Variants in TACC1 observed in about 807,000 individuals in gnomAD.
TACC1 encodes the protein transforming acidic coiled-coil containing protein 1, also known as transforming acidic coiled-coil-containing protein 1.
Under a neutral mutation model 84.4 loss-of-function variants are expected in TACC1, and 48 were observed. The ratio of observed to expected loss-of-function variants is 0.57; its 90% CI spans 0.45 to 0.72. The LOEUF (loss-of-function observed/expected upper bound fraction) is 0.72, where lower values mean the gene tolerates loss of function less well. Ranked by LOEUF, TACC1 falls within the 30% of genes least tolerant of loss-of-function variation. The pLI is 0.00. For synonymous variants in TACC1, 372 were observed against 376.3 expected (o/e 0.99, Z 0.13); for missense variants, 920 against 973.0 (o/e 0.95, Z 0.72).
chr8:38,835,589 CG>C (rs1830071155), intron 6 of TACC1, among the ~76,000 whole-genome samples: 1 of 152,202 alleles, frequency 6.6e-6, no homozygotes, highest in Admixed American at 6.5e-5. Flanking sequence ...TGCGGAGCAG[CG>C]GAAGTTCAGG....
Position 38,849,520 on chromosome 8 carries a change from T to C in TACC1, c.*1497T>C, listed in dbSNP as rs553855896. ...GTATACGTATGTTTTCCTACTTCTC[T>C]TGTAAAACTGTTGCATGATCCAACT... On this transcript the variant is annotated 3_prime_UTR_variant, in exon 13 of 13. Coordinates refer to ENST00000317827, the MANE Select transcript of TACC1 (RefSeq NM_006283.3). The C allele has an allele frequency of 1.3e-5, 2 of 152,376 alleles. No homozygotes were observed. Among genetic ancestry groups the C allele is most frequent in the African/African-American group, 4.8e-5 (2 of 41,590 alleles). The allele number at this position is 152,376 out of a possible 1,614,324, so 9.4% of individuals were successfully genotyped here.
At position 38,848,170 on chromosome 8, in the gene TACC1, T is replaced by A. The variant is rs1832659347; in HGVS notation, c.*147T>A. The A allele has an allele frequency of 1.4e-5, 10 of 695,848 alleles. No individual in the cohort carries two copies. The South Asian group carries it at 2.1e-4, about 15-fold the overall frequency. 43.1% of individuals were successfully genotyped at this position (695,848 alleles called of 1,614,324 possible). ...ACATGCCTACTGCTGCCTGTCCCGCTTTGCTGCCAATGCAACAGCCCTGGA... is the reference window on the plus strand; with the variant it reads ...ACATGCCTACTGCTGCCTGTCCCGCATTGCTGCCAATGCAACAGCCCTGGA... On this transcript the variant is annotated 3_prime_UTR_variant, in exon 13 of 13. Transcript: ENST00000317827.
chr8:38,745,172 C>A, exon 3 of TACC1: 1 of 291,518 alleles, frequency 3.4e-6, no homozygotes, highest in Non-Finnish European at 6.3e-6. Context: ...CTCTGATCAA[C>A]CCCTGACCCA....
At chr8:38,840,964 G>A (rs537777219) in intron 9 of TACC1, among the ~76,000 whole-genome samples, 1 of 152,140 alleles carries the variant, frequency 6.6e-6, no homozygotes, top group African/African-American at 2.4e-5. Flanking sequence ...CAGGAGAATC[G>A]CTTGAACCTG....
At position 38,819,946 on chromosome 8, in the gene TACC1, G is replaced by A; in HGVS notation, c.702G>A (p.Lys234=). The change falls in exon 3 of 13, where the codon AAG becomes AAA. Residue 234 remains lysine (K), a synonymous_variant. Transcript: ENST00000317827. The stretch of plus-strand genomic sequence containing the variant: ...GAAGAAGCAAGCTGAGAAAGCCCAA[G>A]CCTGTCCCCCTGAGGAAGAAAGCAA... ...PSRRSKLRKP[K]PVPLRKKAIG... 2 of 1,614,178 alleles carry A rather than the reference G, an allele frequency of 1.2e-6. No homozygotes were observed. The highest frequency in any genetic ancestry group is 1.7e-6 in the Non-Finnish European group (2 of 1,180,050).
At chr8:38,750,922 A>T (rs1808916665) in intron 3 of TACC1, among the ~76,000 whole-genome samples, 1 of 152,132 alleles carries the variant, frequency 6.6e-6, no homozygotes, top group Non-Finnish European at 1.5e-5. Flanking sequence ...TTTTGAAAAA[A>T]ATTTGCAAGA....
chr8:38,792,913 G>A (rs762771426), intron 2 of TACC1, among the ~76,000 whole-genome samples: 1 of 152,118 alleles, frequency 6.6e-6, no homozygotes, highest in South Asian at 2.1e-4. Context: ...GTGTTTGCAT[G>A]TGTGTTTATG....
Position 38,787,371 on chromosome 8 carries a change from G to A in TACC1, c.-212G>A, listed in dbSNP as rs1817479754. 6.0e-6 allele frequency: 8 copies of A among 1,331,882 alleles called. No individual in the cohort carries two copies. The highest frequency in any genetic ancestry group is 7.6e-6 in the Non-Finnish European group (8 of 1,047,254). The allele number at this position is 1,331,882 out of a possible 1,614,324, so 82.5% of individuals were successfully genotyped here. A position where few individuals can be genotyped will look rare whatever the true frequency, so the allele number is the denominator to read the frequency against. The stretch of plus-strand genomic sequence containing the variant: ...GCGGGGCCCGCTGCGGCCGCACCGT[G>A]AGGGGAGGAGGCCGAGGAGGACGCA... On this transcript the variant is annotated 5_prime_UTR_variant, in exon 1 of 13. Coordinates refer to ENST00000317827, the MANE Select transcript of TACC1 (RefSeq NM_006283.3).
At chr8:38,812,569 T>G (rs1463656006) in intron 2 of TACC1, among the ~76,000 whole-genome samples, 1 of 152,192 alleles carries the variant, frequency 6.6e-6, no homozygotes, top group Non-Finnish European at 1.5e-5. Flanking sequence ...TACTAGCAGT[T>G]TCACATGTTC....
intron 3 of TACC1, among the ~76,000 whole-genome samples, chr8:38,769,372 G>T (rs1587464887): frequency 6.7e-6 from 1 of 148,426 alleles, no homozygotes; most frequent in Non-Finnish European, 1.5e-5. Context: ...ATGGGTGGGG[G>T]TGTGTGGTGT....
intron 3 of TACC1, among the ~76,000 whole-genome samples, chr8:38,754,257 C>T (rs574985210): frequency 1.4e-4 from 22 of 151,822 alleles, no homozygotes; most frequent in Non-Finnish European, 2.7e-4. Flanking sequence ...CGGCCTTTTT[C>T]CTTTACTTTC....
At chr8:38,844,074 TCAA>T (rs1357473563) in intron 11 of TACC1, among the ~76,000 whole-genome samples, 1 of 152,190 alleles carries the variant, frequency 6.6e-6, no homozygotes, top group African/African-American at 2.4e-5. Context: ...TGCCAATAGG[TCAA>T]CGTTTTTATT....
intron 3 of TACC1, among the ~76,000 whole-genome samples, chr8:38,775,063 A>G (rs1359501792): frequency 1.3e-5 from 2 of 152,050 alleles, no homozygotes; most frequent in Admixed American, 1.3e-4. Flanking sequence ...AAAGTACAAG[A>G]CTATTTGTAT....
intron 4 of TACC1, 152 bp from the exon 5 acceptor site, chr8:38,827,016 T>TC (rs1468692484): frequency 3.2e-6 from 2 of 630,902 alleles, no homozygotes; most frequent in African/African-American, 3.7e-5. Flanking sequence ...ATTGAAAGAC[T>TC]CCAACTTCCT....
At chr8:38,770,636 C>G (rs1813414805) in intron 3 of TACC1, among the ~76,000 whole-genome samples, 1 of 152,106 alleles carries the variant, frequency 6.6e-6, no homozygotes, top group Non-Finnish European at 1.5e-5. Flanking sequence ...TGCTGAGAGC[C>G]GCACGATAGA....
Position 38,757,367 on chromosome 8 carries a change from G to A in TACC1, c.26+11874G>A, listed in dbSNP as rs545067286. ...TCCCACTCTCAGACCCCGAGGGGCC[G>A]GGAACCCGCCGGGGAGAGGCACCCG... On this transcript the variant is annotated intron_variant, in intron 3 of 14. Coordinates refer to the TACC1 transcript ENST00000518415. The A allele has an allele frequency of 1.5e-3, 1,956 of 1,263,990 alleles. 2 individuals carry two copies. The highest frequency in any genetic ancestry group is 1.9e-3 in the Non-Finnish European group (1,870 of 977,944). 78.3% of individuals were successfully genotyped at this position (1,263,990 alleles called of 1,614,324 possible). A position where few individuals can be genotyped will look rare whatever the true frequency, so the allele number is the denominator to read the frequency against.
At chr8:38,775,874 C>T (rs1192320776) in intron 3 of TACC1, among the ~76,000 whole-genome samples, 1 of 152,216 alleles carries the variant, frequency 6.6e-6, no homozygotes, top group Non-Finnish European at 1.5e-5. Context: ...GATAAACTCG[C>T]TCTTGCTTGT....
At chr8:38,732,176 GGAAGGAAGAGGGAAA>G (rs1805073121) in intron 1 of TACC1, among the ~76,000 whole-genome samples, 1 of 97,394 alleles carries the variant, frequency 1.0e-5, no homozygotes, top group African/African-American at 4.4e-5. Flanking sequence ...AAGGAAGGAA[GGAAGGAAGAGGGAAA>G]GGAAAGGAAA....
rs770073003 is a variant in TACC1, at chr8:38,787,726, C to G, written c.144C>G (p.Thr48=). 2.6e-6 allele frequency: 4 copies of G among 1,547,056 alleles called. No homozygotes were observed. In the South Asian group the frequency reaches 4.7e-5, roughly 18 times the overall value. ...AGGAGGAGGATTCGCAAGCCGAGAC[C>G]AAATCCTTGAGTTTCAGGCAAGTAC... ...DPEEEDSQAE[T]KSLSFSSDSE... The change falls in exon 1 of 13, where the codon ACC becomes ACG. Residue 48 remains threonine (T), a synonymous_variant. Transcript: ENST00000317827.
Sources: allele counts gnomAD v4.1 joint callset (sites outside exome capture counted in the v4.1 genomes callset), GRCh38; gene constraint gnomAD v4.1.1; transcripts MANE v1.5; gene names NCBI Gene and HGNC (gene_info 2026-07-23, HGNC 2026-07-21).